The following PPARGC1A variants were observed in gnomAD, a reference collection of about 807,000 sequenced individuals.
PPARGC1A encodes the protein PPARG coactivator 1 alpha, also known as peroxisome proliferator-activated receptor gamma coactivator 1-alpha.
PPARGC1A carries 25 observed loss-of-function variants against 88.7 expected under a neutral mutation model. The observed-to-expected ratio is 0.28, with a 90% confidence interval of 0.21 to 0.39. The LOEUF is 0.39. PPARGC1A is among the 10% of genes least tolerant of loss of function. The pLI is 1.00. For synonymous variants in PPARGC1A, 363 were observed against 355.6 expected (o/e 1.02, Z -0.24); for missense variants, 880 against 968.7 (o/e 0.91, Z 1.22).
the PPARGC1A span, among the ~76,000 whole-genome samples, chr4:24,233,245 T>A: frequency 6.6e-6 from 1 of 152,196 alleles, no homozygotes; most frequent in South Asian, 2.1e-4. Flanking sequence ...TTTTAACAAA[T>A]CACCCAATAG....
chr4:24,395,541 A>G, the PPARGC1A span, among the ~76,000 whole-genome samples: 1 of 152,272 alleles, frequency 6.6e-6, no homozygotes, highest in South Asian at 2.1e-4. Flanking sequence ...CTGGACATTA[A>G]TAAGTCTGTA....
the PPARGC1A span, among the ~76,000 whole-genome samples, chr4:23,978,287 T>C: frequency 6.6e-6 from 1 of 152,216 alleles, no homozygotes; most frequent in Non-Finnish European, 1.5e-5. Context: ...ATTCGTTTTA[T>C]AGCAGAACAG....
chr4:24,340,967 T>C, the PPARGC1A span, among the ~76,000 whole-genome samples: 16 of 152,304 alleles, frequency 1.1e-4, no homozygotes, highest in Admixed American at 4.6e-4. Flanking sequence ...GTTATATTGA[T>C]GGCACAGGCA....
At chr4:24,262,833 G>A in the PPARGC1A span, among the ~76,000 whole-genome samples, 1 of 152,094 alleles carries the variant, frequency 6.6e-6, no homozygotes, top group South Asian at 2.1e-4. Context: ...GATGGCTGTG[G>A]TAAAAAGCAT....
chr4:23,800,275 T>C (rs1248807118), intron 12 of PPARGC1A, among the ~76,000 whole-genome samples: 1 of 152,136 alleles, frequency 6.6e-6, no homozygotes, highest in African/African-American at 2.4e-5. Context: ...AATTATGTCA[T>C]ATGCACAAGA....
At position 23,795,586 on chromosome 4, in the gene PPARGC1A, A is replaced by G; in HGVS notation, c.*236T>C. 1 of 448,628 alleles carries G rather than the reference A, an allele frequency of 2.2e-6. No homozygotes were observed. Among genetic ancestry groups the G allele is most frequent in the Non-Finnish European group, 4.0e-6 (1 of 250,624 alleles). The allele number at this position is 448,628 out of a possible 1,614,324, so 27.8% of individuals were successfully genotyped here. A position where few individuals can be genotyped will look rare whatever the true frequency, so the allele number is the denominator to read the frequency against. ...GCAAAGCTGACACCCATGAATAAAC[A>G]TGTGCTTACTGGATATCATTCTGTC... On this transcript the variant is annotated 3_prime_UTR_variant, in exon 13 of 13. Coordinates refer to ENST00000264867, the MANE Select transcript of PPARGC1A (RefSeq NM_013261.5).
the PPARGC1A span, among the ~76,000 whole-genome samples, chr4:23,951,456 T>C: frequency 6.6e-6 from 1 of 152,166 alleles, no homozygotes; most frequent in Non-Finnish European, 1.5e-5. Flanking sequence ...ATGCCATGCA[T>C]TACCAAAGGA....
chr4:24,362,676 G>C, the PPARGC1A span, among the ~76,000 whole-genome samples: 1 of 152,142 alleles, frequency 6.6e-6, no homozygotes, highest in Admixed American at 6.5e-5. Flanking sequence ...GAAATGTCTA[G>C]AGGTTGTTTG....
the PPARGC1A span, among the ~76,000 whole-genome samples, chr4:24,058,601 G>A: frequency 6.6e-6 from 1 of 152,190 alleles, no homozygotes; most frequent in Non-Finnish European, 1.5e-5. Flanking sequence ...AAAGGGACAA[G>A]TTCAGGTCAA....
chr4:24,159,374 C>A, the PPARGC1A span, among the ~76,000 whole-genome samples: 1 of 151,856 alleles, frequency 6.6e-6, no homozygotes, highest in African/African-American at 2.4e-5. Context: ...CCACCCCTGA[C>A]TAATGTTTGT....
At chr4:24,074,062 A>G in the PPARGC1A span, among the ~76,000 whole-genome samples, 1 of 152,292 alleles carries the variant, frequency 6.6e-6, no homozygotes, top group Admixed American at 6.5e-5. Flanking sequence ...AGGAAAGTGT[A>G]TTGGCCCAGC....
the PPARGC1A span, among the ~76,000 whole-genome samples, chr4:24,387,810 AAGAAAGAAAGAAAGAG>A: frequency 0.017 from 1,875 of 108,338 alleles, 69 homozygotes; most frequent in Middle Eastern, 0.026. Flanking sequence ...GAAAGAAAGA[AAGAAAGAAAGAAAGAG>A]AGAAAGAGAG....
At chr4:24,288,030 G>A in the PPARGC1A span, among the ~76,000 whole-genome samples, 1 of 152,008 alleles carries the variant, frequency 6.6e-6, no homozygotes, top group Non-Finnish European at 1.5e-5. Flanking sequence ...CTTTGCGGGT[G>A]CCCTCCAAGT....
At chr4:23,800,451 T>G (rs1374297105) in intron 12 of PPARGC1A, among the ~76,000 whole-genome samples, 1 of 151,914 alleles carries the variant, frequency 6.6e-6, no homozygotes, top group Non-Finnish European at 1.5e-5. Context: ...TTGGCTATAA[T>G]GTAATGACTA....
the PPARGC1A span, among the ~76,000 whole-genome samples, chr4:24,370,783 C>CTTTTTTTTTTTTTTTTTTTTTT: frequency 2.8e-4 from 18 of 64,448 alleles, no homozygotes; most frequent in Non-Finnish European, 3.7e-4. Context: ...TTTTTTTTTA[C>CTTTTTTTTTTTTTTTTTTTTTT]TTTAAGTTCT....
At chr4:24,363,552 C>T in the PPARGC1A span, among the ~76,000 whole-genome samples, 1 of 152,192 alleles carries the variant, frequency 6.6e-6, no homozygotes, top group Admixed American at 6.5e-5. Flanking sequence ...GTTTCTTTGT[C>T]GGATTTGGAA....
the PPARGC1A span, among the ~76,000 whole-genome samples, chr4:24,218,611 C>A: frequency 6.6e-6 from 1 of 152,206 alleles, no homozygotes; most frequent in Non-Finnish European, 1.5e-5. Context: ...AGAAGAGTGG[C>A]TGAGAGTTTC....
rs1716863622 is a variant in PPARGC1A at position 23,792,744 on chromosome 4, G to GTGA, written c.*3075_*3077dup. On this transcript the variant is annotated 3_prime_UTR_variant, in exon 13 of 13. Transcript: ENST00000264867. ...AGATCTATGCTGAAATTTGCCTCCA[G>GTGA]TGATGATGGGGTGCACGTGTTCATT... The GTGA allele has an allele frequency of 6.6e-6, 1 of 152,554 alleles. No individual in the cohort carries two copies. The highest frequency in any genetic ancestry group is 3.4e-3 in the Middle Eastern group (1 of 294). The allele number at this position is 152,554 out of a possible 1,614,324, so 9.5% of individuals were successfully genotyped here. A position where few individuals can be genotyped will look rare whatever the true frequency, so the allele number is the denominator to read the frequency against.
the PPARGC1A span, among the ~76,000 whole-genome samples, chr4:24,070,002 G>T: frequency 6.6e-6 from 1 of 152,126 alleles, no homozygotes; most frequent in African/African-American, 2.4e-5. Context: ...TTCTACCATA[G>T]TGACTTCCCT....
Sources: allele counts gnomAD v4.1 joint callset (sites outside exome capture counted in the v4.1 genomes callset), GRCh38; gene constraint gnomAD v4.1.1; transcripts MANE v1.5; gene names NCBI Gene and HGNC (gene_info 2026-07-23, HGNC 2026-07-21).